The following MYO1D variants were observed in gnomAD, a reference collection of about 807,000 sequenced individuals.
MYO1D encodes the protein unconventional myosin-Id.
A neutral mutation model predicts 122.0 loss-of-function variants in MYO1D; 83 were observed. That is an observed-to-expected ratio of 0.68 (90% CI 0.57 to 0.82). The LOEUF (loss-of-function observed/expected upper bound fraction) is 0.82. Among genes scored for constraint, MYO1D ranks in the 40% least tolerant of loss-of-function variants. MYO1D has a pLI of 0.00. For synonymous variants in MYO1D, 464 were observed against 446.9 expected (o/e 1.04, Z -0.48); for missense variants, 1,157 against 1,269.5 (o/e 0.91, Z 1.35).
At position 32,806,359 on chromosome 17, in the gene MYO1D, T is replaced by C. The variant is rs1377429529; in HGVS notation, c.96-25575A>G. The stretch of plus-strand genomic sequence containing the variant: ...TTAGAGTTTAAATTTATTTTTTAAA[T>C]GTATATTTAATATGTATCCCATTTG... On this transcript the variant is annotated intron_variant, in intron 1 of 21. Transcript: ENST00000318217. Among the ~76,000 whole-genome samples the C allele has an allele frequency of 3.9e-5, 6 of 152,346 alleles. No individual in the cohort carries two copies. In the East Asian group the frequency reaches 5.8e-4, roughly 15 times the overall value.
chr17:32,612,112 T>G (rs2087709321), intron 20 of MYO1D, among the ~76,000 whole-genome samples: 1 of 152,214 alleles, frequency 6.6e-6, no homozygotes, highest in African/African-American at 2.4e-5. Flanking sequence ...AAAGTTTTTT[T>G]GCCAGTTGCT....
At chr17:32,789,811 A>T (rs2090332248) in intron 1 of MYO1D, among the ~76,000 whole-genome samples, 1 of 152,182 alleles carries the variant, frequency 6.6e-6, no homozygotes, top group Admixed American at 6.5e-5. Flanking sequence ...AGCAGCTAGG[A>T]AGAGTCCAGG....
At chr17:32,688,211 G>A (rs975609518) in intron 16 of MYO1D, among the ~76,000 whole-genome samples, 6 of 152,060 alleles carry the variant, frequency 3.9e-5, no homozygotes, top group Admixed American at 1.3e-4. Flanking sequence ...AAATTCCATG[G>A]GAATAACCTT....
chr17:32,764,370 TTAA>T (rs959792764), intron 8 of MYO1D, among the ~76,000 whole-genome samples: 3 of 152,140 alleles, frequency 2.0e-5, no homozygotes, highest in African/African-American at 7.2e-5. Flanking sequence ...GTGGTGACTG[TTAA>T]TAATAATACT....
At chr17:32,777,292 C>T (rs1180138494) in intron 3 of MYO1D, among the ~76,000 whole-genome samples, 1 of 152,184 alleles carries the variant, frequency 6.6e-6, no homozygotes, top group Non-Finnish European at 1.5e-5. Context: ...AGAAGAAAGG[C>T]TACGCAGGGT....
intron 21 of MYO1D, chr17:32,594,252 G>C (rs2087467937): frequency 3.6e-6 from 1 of 275,316 alleles, no homozygotes; most frequent in African/African-American, 2.2e-5. Flanking sequence ...TTCTCTGTAA[G>C]ATGTACCCTT....
chr17:32,751,327 T>C (rs1251068248), intron 11 of MYO1D, among the ~76,000 whole-genome samples: 1 of 152,140 alleles, frequency 6.6e-6, no homozygotes, highest in African/African-American at 2.4e-5. Flanking sequence ...GAATAGCATG[T>C]GTAATAAACA....
chr17:32,798,118 T>C (rs201120595), intron 1 of MYO1D, among the ~76,000 whole-genome samples: 5 of 152,338 alleles, frequency 3.3e-5, no homozygotes, highest in East Asian at 3.9e-4. Flanking sequence ...ATTGCATGAG[T>C]AGGAAAACCG....
At chr17:32,780,110 A>G (rs1365882608) in intron 2 of MYO1D, among the ~76,000 whole-genome samples, 1 of 152,082 alleles carries the variant, frequency 6.6e-6, no homozygotes, top group Non-Finnish European at 1.5e-5. Context: ...TTGGGCTTCA[A>G]TAACTCAGCC....
chr17:32,577,737 C>A (rs995084455), intron 21 of MYO1D, among the ~76,000 whole-genome samples: 7 of 143,666 alleles, frequency 4.9e-5, no homozygotes, highest in Non-Finnish European at 9.2e-5. Flanking sequence ...ATACATATTT[C>A]TTTTTTTTTT....
rs374623861 is a variant in MYO1D, at chr17:32,816,251, C to A, written c.96-35467G>T. Among the ~76,000 whole-genome samples the A allele has an allele frequency of 3.5e-4, 53 of 152,230 alleles. 2 individuals are homozygous for A. The highest frequency in any genetic ancestry group is 6.8e-3 in the Middle Eastern group (2 of 294). On this transcript the variant is annotated intron_variant, in intron 1 of 21. Coordinates refer to ENST00000318217, the MANE Select transcript of MYO1D (RefSeq NM_015194.3). Reference sequence around the variant, plus strand: ...AAAATTATCAACAATCATATTATTACAATCCAGACAAACAAGAGATATAGG... The same window carrying A: ...AAAATTATCAACAATCATATTATTAAAATCCAGACAAACAAGAGATATAGG...
intron 14 of MYO1D, among the ~76,000 whole-genome samples, chr17:32,722,371 A>G (rs757313336): frequency 1.2e-4 from 18 of 152,224 alleles, no homozygotes; most frequent in Non-Finnish European, 2.4e-4. Flanking sequence ...TCAAAAGTCA[A>G]TGTGTCAGCA....
At chr17:32,849,760 A>G (rs975065062) in intron 1 of MYO1D, among the ~76,000 whole-genome samples, 2 of 152,162 alleles carry the variant, frequency 1.3e-5, no homozygotes, top group African/African-American at 4.8e-5. Flanking sequence ...ACATGTATAC[A>G]TATGTAACTA....
intron 14 of MYO1D, among the ~76,000 whole-genome samples, chr17:32,729,318 A>G (rs192169355): frequency 1.3e-5 from 2 of 152,326 alleles, no homozygotes; most frequent in African/African-American, 4.8e-5. Context: ...TAATTTACTG[A>G]CAATCTGTTT....
chr17:32,794,694 A>C (rs941871489), intron 1 of MYO1D, among the ~76,000 whole-genome samples: 1 of 152,112 alleles, frequency 6.6e-6, no homozygotes, highest in Non-Finnish European at 1.5e-5. Context: ...GCAGTGTTTG[A>C]GGAATCCAGA....
chr17:32,760,265 G>A (rs2089986205), intron 10 of MYO1D, 25 bp downstream of exon 10: 1 of 1,526,004 alleles, frequency 6.6e-7, no homozygotes, highest in African/African-American at 1.4e-5. Flanking sequence ...ACACATGAAG[G>A]CATTTTCCAT....
intron 21 of MYO1D, among the ~76,000 whole-genome samples, chr17:32,570,225 C>G (rs1222429031): frequency 2.0e-5 from 3 of 152,156 alleles, no homozygotes; most frequent in Non-Finnish European, 4.4e-5. Context: ...AGAGGGCCCT[C>G]AAGGAGTTAT....
chr17:32,750,471 C>T (rs150443201), intron 11 of MYO1D, among the ~76,000 whole-genome samples: 271 of 152,064 alleles, frequency 1.8e-3, no homozygotes, highest in African/African-American at 3.9e-3. Flanking sequence ...AAAAATTAGC[C>T]GGGCGTGGTG....
chr17:32,747,969 G>T (rs1281824212), intron 12 of MYO1D, among the ~76,000 whole-genome samples: 2 of 152,168 alleles, frequency 1.3e-5, no homozygotes, highest in African/African-American at 4.8e-5. Context: ...CTGGAAAAAG[G>T]AACAGACTCC....
Sources: allele counts gnomAD v4.1 joint callset (sites outside exome capture counted in the v4.1 genomes callset), GRCh38; gene constraint gnomAD v4.1.1; transcripts MANE v1.5; gene names NCBI Gene and HGNC (gene_info 2026-07-23, HGNC 2026-07-21).